The following LDLRAD4 variants were observed in gnomAD, a reference collection of about 807,000 sequenced individuals.
LDLRAD4 encodes low density lipoprotein receptor class A domain containing 4.
A neutral mutation model predicts 17.0 loss-of-function variants in LDLRAD4; 5 were observed. The ratio of observed to expected loss-of-function variants is 0.29; its 90% CI spans 0.15 to 0.62. LDLRAD4 has a LOEUF of 0.62. LDLRAD4 is among the 20% of genes least tolerant of loss of function. The probability of loss-of-function intolerance (pLI) is 0.84; values close to 1 mark genes in which losing one functional copy is unlikely to be tolerated. For synonymous variants in LDLRAD4, 168 were observed against 171.8 expected (o/e 0.98, Z 0.17); for missense variants, 340 against 424.7 (o/e 0.80, Z 1.75).
chr18:13,465,481 GGGA>G (rs1285765948), intron 3 of LDLRAD4, among the ~76,000 whole-genome samples: 15 of 152,306 alleles, frequency 9.8e-5, no homozygotes, highest in African/African-American at 3.6e-4. Flanking sequence ...ATGAGTAAAG[GGGA>G]GATGGGCATA....
At chr18:13,403,722 C>T (rs1460191235) in intron 2 of LDLRAD4, among the ~76,000 whole-genome samples, 1 of 152,164 alleles carries the variant, frequency 6.6e-6, no homozygotes. Context: ...GTAAAATCCT[C>T]GTGGGACTGC....
At chr18:13,547,793 C>T (rs2094386160) in intron 3 of LDLRAD4, among the ~76,000 whole-genome samples, 2 of 152,186 alleles carry the variant, frequency 1.3e-5, no homozygotes, top group African/African-American at 4.8e-5. Context: ...CAGGGAGCTC[C>T]TCCTATGTCT....
intron 3 of LDLRAD4, among the ~76,000 whole-genome samples, chr18:13,577,268 A>C (rs2094787594): frequency 6.6e-6 from 1 of 152,152 alleles, no homozygotes; most frequent in Admixed American, 6.5e-5. Flanking sequence ...AAATTAGGCT[A>C]ATATTTCAGG....
At chr18:13,529,857 T>A (rs997812043) in intron 3 of LDLRAD4, among the ~76,000 whole-genome samples, 4 of 152,198 alleles carry the variant, frequency 2.6e-5, no homozygotes, top group Non-Finnish European at 5.9e-5. Flanking sequence ...GAGACTTCCA[T>A]GGCACCATCC....
At chr18:13,464,407 G>A (rs1165233780) in intron 3 of LDLRAD4, among the ~76,000 whole-genome samples, 1 of 152,192 alleles carries the variant, frequency 6.6e-6, no homozygotes, top group Non-Finnish European at 1.5e-5. Context: ...GTAGAATTAG[G>A]CATTGCATAT....
intron 3 of LDLRAD4, among the ~76,000 whole-genome samples, chr18:13,594,881 TGG>T (rs1389079252): frequency 6.6e-6 from 1 of 152,088 alleles, no homozygotes; most frequent in Non-Finnish European, 1.5e-5. Flanking sequence ...TTTTATTTCC[TGG>T]GAAGTTTTAA....
intron 3 of LDLRAD4, among the ~76,000 whole-genome samples, chr18:13,590,513 C>T (rs2095008850): frequency 6.6e-6 from 1 of 152,358 alleles, no homozygotes; most frequent in African/African-American, 2.4e-5. Context: ...GGCCCTGCAG[C>T]TCCCGAAGGC....
chr18:13,277,467 A>C (rs374964200), upstream of LDLRAD4, among the ~76,000 whole-genome samples: 1 of 152,344 alleles, frequency 6.6e-6, no homozygotes, highest in East Asian at 1.9e-4. Flanking sequence ...TGGGGATGCC[A>C]GTGACAGGTT....
chr18:13,547,828 T>G (rs1028052184), intron 3 of LDLRAD4, among the ~76,000 whole-genome samples: 1 of 152,172 alleles, frequency 6.6e-6, no homozygotes, highest in East Asian at 1.9e-4. Context: ...GCTGCAGCTT[T>G]TCTCTCATTC....
At chr18:13,365,973 C>T (rs573256193) in intron 1 of LDLRAD4, among the ~76,000 whole-genome samples, 4 of 152,338 alleles carry the variant, frequency 2.6e-5, no homozygotes, top group East Asian at 1.9e-4. Context: ...AGGGGTTTCA[C>T]CATGTTGGCT....
chr18:13,224,727 G>A (rs1419662647), intron 1 of LDLRAD4, among the ~76,000 whole-genome samples: 1 of 151,420 alleles, frequency 6.6e-6, no homozygotes, highest in East Asian at 1.9e-4. Context: ...TGATCCGCCC[G>A]TCTTGGCCTC....
chr18:13,299,077 G>A (rs977128493), intron 1 of LDLRAD4, among the ~76,000 whole-genome samples: 5 of 152,202 alleles, frequency 3.3e-5, no homozygotes, highest in Admixed American at 2.6e-4. Flanking sequence ...GATGTCCTTG[G>A]AAAAGTGACT....
chr18:13,362,708 G>A (rs2083758454), intron 1 of LDLRAD4: 1 of 152,236 alleles, frequency 6.6e-6, no homozygotes, highest in African/African-American at 2.4e-5. Flanking sequence ...TAATAGAAAT[G>A]AGAAGGGGAA....
intron 4 of LDLRAD4, among the ~76,000 whole-genome samples, chr18:13,626,349 G>A (rs2041167383): frequency 6.6e-6 from 1 of 152,188 alleles, no homozygotes; most frequent in Non-Finnish European, 1.5e-5. Flanking sequence ...TGAACAAGTT[G>A]CTGGAACATT....
At chr18:13,603,897 T>C (rs2095193190) in intron 3 of LDLRAD4, among the ~76,000 whole-genome samples, 1 of 152,204 alleles carries the variant, frequency 6.6e-6, no homozygotes, top group Non-Finnish European at 1.5e-5. Context: ...GGCCGGCACA[T>C]AGTAAGTGCT....
At position 13,440,643 on chromosome 18, in the gene LDLRAD4, G is replaced by A. The variant is rs8098023; in HGVS notation, c.181+2259G>A. 0.25 allele frequency among the ~76,000 whole-genome samples: 37,940 copies of A among 152,040 alleles called. 5,051 individuals are homozygous for A. Among genetic ancestry groups the A allele is most frequent in the African/African-American group, 0.34 (13,925 of 41,428 alleles). On this transcript the variant is annotated intron_variant, in intron 3 of 5. Coordinates refer to ENST00000359446, the Ensembl canonical transcript of LDLRAD4. The surrounding 1 kb of genome is among the most constrained non-coding windows in gnomAD (Gnocchi z 4.4). Reference sequence around the variant, plus strand: ...CAAGGTTCGGCCTAGGGGAGTGACAGCTCCTTTCAGCTTGGTTTCTCTCCC... The same window carrying A: ...CAAGGTTCGGCCTAGGGGAGTGACAACTCCTTTCAGCTTGGTTTCTCTCCC...
intron 1 of LDLRAD4, among the ~76,000 whole-genome samples, chr18:13,237,796 A>G (rs1598824309): frequency 6.6e-6 from 1 of 152,160 alleles, no homozygotes; most frequent in Admixed American, 6.5e-5. Context: ...CATTTGACCC[A>G]TGTAATTCAT....
chr18:13,245,113 C>T (rs878993775), intron 1 of LDLRAD4, among the ~76,000 whole-genome samples: 3 of 152,126 alleles, frequency 2.0e-5, no homozygotes, highest in Admixed American at 6.6e-5. Flanking sequence ...CCTGAGTCAG[C>T]GTCATGAGGG....
In LDLRAD4 at chr18:13,285,146, T is replaced by G. The variant is rs1452941902; in HGVS notation, c.-383+6958T>G. Among the ~76,000 whole-genome samples, 5 of 152,296 alleles carry G rather than the reference T, an allele frequency of 3.3e-5. No individual in the cohort carries two copies. The South Asian group carries it at 1.0e-3, about 32-fold the overall frequency. Reference sequence around the variant, plus strand: ...TCAAGTGCAGTACAGAAGCGAAATGTGAAGGAGACAGGCACTGGGACAGTG... The same window carrying G: ...TCAAGTGCAGTACAGAAGCGAAATGGGAAGGAGACAGGCACTGGGACAGTG... On this transcript the variant is annotated intron_variant, in intron 1 of 5. Transcript: ENST00000359446.
Sources: gnomAD v4.1 joint callset for allele counts (sites outside exome capture counted in the v4.1 genomes callset) on GRCh38, gnomAD v4.1.1 for gene constraint, Gnocchi (gnomAD v3.1) non-coding constraint, MANE v1.5 for transcripts, NCBI Gene and HGNC (gene_info 2026-07-23, HGNC 2026-07-21) for gene names.